Variants in RAB11FIP2 observed in about 807,000 individuals in gnomAD.
RAB11FIP2 encodes RAB11 family interacting protein 2.
A neutral mutation model predicts 40.9 loss-of-function variants in RAB11FIP2; 16 were observed. The observed-to-expected ratio is 0.39, with a 90% CI of 0.26 to 0.59. The LOEUF is 0.59. Among genes scored for constraint, RAB11FIP2 ranks in the 20% least tolerant of loss-of-function variants. RAB11FIP2 has a pLI of 0.53. For synonymous variants in RAB11FIP2, 228 were observed against 213.7 expected, an observed-to-expected ratio of 1.07 and a Z score of -0.58; for missense variants, 532 against 606.2, an observed-to-expected ratio of 0.88 and a Z score of 1.28.
At chr10:118,022,017 A>C (rs1326456900) in intron 3 of RAB11FIP2, among the ~76,000 whole-genome samples, 1 of 152,212 alleles carries the variant, frequency 6.6e-6, no homozygotes, top group African/African-American at 2.4e-5. Flanking sequence ...AAAATCTTAG[A>C]TCGAATATCC....
In RAB11FIP2 at chr10:118,007,689, G is replaced by T. The variant is rs1344922016; in HGVS notation, c.*1309C>A. 2.0e-5 allele frequency: 3 copies of T among 151,954 alleles called. No homozygotes were observed. The highest frequency in any genetic ancestry group is 7.3e-5 in the African/African-American group (3 of 41,376). The allele number at this position is 151,954 out of a possible 1,614,324, so 9.4% of individuals were successfully genotyped here. A position where few individuals can be genotyped will look rare whatever the true frequency, so the allele number is the denominator to read the frequency against. ...AGATTAGCAATATTTTTATAACATT[G>T]CTTGTCAATTTAAATTTCAGAAAAA... On this transcript the variant is annotated 3_prime_UTR_variant, in exon 5 of 5. Transcript: ENST00000355624.
At chr10:118,030,044 G>T (rs935109324) in intron 3 of RAB11FIP2, among the ~76,000 whole-genome samples, 5 of 152,092 alleles carry the variant, frequency 3.3e-5, no homozygotes, top group Non-Finnish European at 5.9e-5. Flanking sequence ...TTTGCAATAG[G>T]CAATTTTAGC....
chr10:118,029,108 T>C (rs376453926), intron 3 of RAB11FIP2, among the ~76,000 whole-genome samples: 3 of 152,054 alleles, frequency 2.0e-5, no homozygotes, highest in Non-Finnish European at 4.4e-5. Flanking sequence ...CCTGACATTG[T>C]TGTACTAAAT....
chr10:118,043,229 G>A (rs1447858566), intron 1 of RAB11FIP2, among the ~76,000 whole-genome samples: 2 of 151,934 alleles, frequency 1.3e-5, no homozygotes, highest in South Asian at 2.1e-4. Flanking sequence ...CAGGTGCACC[G>A]CTGAGACACA....
At chr10:118,027,036 C>G (rs1846351408) in intron 3 of RAB11FIP2, among the ~76,000 whole-genome samples, 1 of 151,936 alleles carries the variant, frequency 6.6e-6, no homozygotes, top group African/African-American at 2.4e-5. Flanking sequence ...GAAAAAAATT[C>G]CACCTAATTT....
intron 3 of RAB11FIP2, among the ~76,000 whole-genome samples, chr10:118,031,517 T>C (rs3824820): frequency 0.84 from 127,872 of 151,910 alleles, 55,468 homozygotes; most frequent in Non-Finnish European, 0.96. Context: ...GAAGGTATGA[T>C]ACAAGCACAG....
In RAB11FIP2 at chr10:118,006,004, T is replaced by A. The variant is rs1293773947; in HGVS notation, c.*2994A>T. 3 of 152,616 alleles carry A rather than the reference T, an allele frequency of 2.0e-5. No individual in the cohort carries two copies. Among genetic ancestry groups the A allele is most frequent in the Non-Finnish European group, 2.9e-5 (2 of 68,034 alleles). The allele number at this position is 152,616 out of a possible 1,614,324, so 9.5% of individuals were successfully genotyped here. On this transcript the variant is annotated 3_prime_UTR_variant, in exon 5 of 5. Transcript: ENST00000355624. ...AAGCAATAGATGTAGTTATGTATAA[T>A]CTATAGATAATACTACATTCAGGGG...
At chr10:118,013,888 C>T (rs1482339432) in intron 4 of RAB11FIP2, among the ~76,000 whole-genome samples, 1 of 152,124 alleles carries the variant, frequency 6.6e-6, no homozygotes, top group Non-Finnish European at 1.5e-5. Context: ...AATAGCTACA[C>T]ATTAAATCGA....
intron 3 of RAB11FIP2, among the ~76,000 whole-genome samples, chr10:118,036,316 G>A (rs533415601): frequency 1.6e-4 from 25 of 152,058 alleles, no homozygotes; most frequent in African/African-American, 5.8e-4. Context: ...CTGTAAATAG[G>A]TCTATTTAGC....
At position 118,009,061 on chromosome 10, in the gene RAB11FIP2, C is replaced by A. The variant is rs150361845; in HGVS notation, c.1476G>T (p.Thr492=). 357 of 1,613,510 alleles carry A rather than the reference C, an allele frequency of 2.2e-4. 2 individuals are homozygous for A. The highest frequency in any genetic ancestry group is 1.7e-3 in the African/African-American group (125 of 74,986). ...CATACGGCACTCTGAGAATACTGGGCGTTTCTTCCATTACCCTTACAAGGA... is the reference window on the plus strand; with the variant it reads ...CATACGGCACTCTGAGAATACTGGGAGTTTCTTCCATTACCCTTACAAGGA... The part of the protein sequence containing the change: ...DNLLVRVMEE[T]PSILRVPYEP... The change falls in exon 5 of 5, where the codon ACG becomes ACT. Residue 492 remains threonine, a synonymous_variant. Coordinates refer to ENST00000355624, the MANE Select transcript of RAB11FIP2 (RefSeq NM_014904.3).
rs1846546747 is a variant in RAB11FIP2 at position 118,040,627 on chromosome 10, T to C, written c.354-62A>G. The C allele has an allele frequency of 6.5e-6, 8 of 1,226,558 alleles. No homozygotes were observed. The South Asian group carries it at 1.2e-4, about 19-fold the overall frequency. The allele number at this position is 1,226,558 out of a possible 1,614,324, so 76.0% of individuals were successfully genotyped here. On this transcript the variant is annotated intron_variant, in intron 1 of 4. Coordinates refer to ENST00000355624, the MANE Select transcript of RAB11FIP2 (RefSeq NM_014904.3). ...AATAGAGAGAGGATACTGAGTTCTGTTACATACAAATAGCCTTTTAGGTAA... is the reference window on the plus strand; with the variant it reads ...AATAGAGAGAGGATACTGAGTTCTGCTACATACAAATAGCCTTTTAGGTAA...
intron 3 of RAB11FIP2, among the ~76,000 whole-genome samples, chr10:118,026,706 A>C (rs1274634982): frequency 6.6e-6 from 1 of 152,228 alleles, no homozygotes; most frequent in African/African-American, 2.4e-5. Flanking sequence ...CACAGCTTAG[A>C]TATCTATCCT....
In RAB11FIP2 at chr10:118,014,902, T is replaced by C. The variant is rs541863918; in HGVS notation, c.1311+163A>G. Among the ~76,000 whole-genome samples the C allele has an allele frequency of 5.3e-5, 8 of 152,304 alleles. No homozygotes were observed. The South Asian group carries it at 6.2e-4, about 12-fold the overall frequency. On this transcript the variant is annotated intron_variant, in intron 4 of 4. Coordinates refer to ENST00000355624, the MANE Select transcript of RAB11FIP2 (RefSeq NM_014904.3). ...CCCTATTGTATATTAAAGGCAAAGA[T>C]TGTATTTTACTTTCTTTCTTTCTCC...
At chr10:118,031,535 T>A (rs1054245264) in intron 3 of RAB11FIP2, among the ~76,000 whole-genome samples, 1 of 151,902 alleles carries the variant, frequency 6.6e-6, no homozygotes, top group East Asian at 1.9e-4. Context: ...CAGACAGGAA[T>A]TGACTCATTA....
chr10:118,043,495 C>A (rs983183937), intron 1 of RAB11FIP2: 1 of 152,194 alleles, frequency 6.6e-6, no homozygotes, highest in Non-Finnish European at 1.5e-5. Context: ...TTCCCAGGCC[C>A]ACTCAAAGGG....
At chr10:118,028,536 C>A (rs1290950876) in intron 3 of RAB11FIP2, among the ~76,000 whole-genome samples, 1 of 151,964 alleles carries the variant, frequency 6.6e-6, no homozygotes, top group Non-Finnish European at 1.5e-5. Flanking sequence ...AACTGTACCA[C>A]CATAAATTAA....
intron 3 of RAB11FIP2, chr10:118,033,892 G>T: frequency 1.4e-6 from 1 of 695,078 alleles, no homozygotes; most frequent in South Asian, 1.5e-5. Flanking sequence ...TATATCCTGT[G>T]AATTTATCAT....
rs1359581325 is a variant in RAB11FIP2 at position 118,008,850 on chromosome 10, A to G, written c.*148T>C. Reference sequence around the variant, plus strand: ...AGGTCACTCTTGATAGTCCCTGCTAATATTTACAGGTAAAACTACTCTTCA... The same window carrying G: ...AGGTCACTCTTGATAGTCCCTGCTAGTATTTACAGGTAAAACTACTCTTCA... On this transcript the variant is annotated 3_prime_UTR_variant, in exon 5 of 5. Coordinates refer to ENST00000355624, the MANE Select transcript of RAB11FIP2 (RefSeq NM_014904.3). 1 of 659,802 alleles carries G rather than the reference A, an allele frequency of 1.5e-6. No homozygotes were observed. Among genetic ancestry groups the G allele is most frequent in the Non-Finnish European group, 2.6e-6 (1 of 385,724 alleles). The allele number at this position is 659,802 out of a possible 1,614,324, so 40.9% of individuals were successfully genotyped here.
At chr10:118,038,427 T>C (rs1163105464) in intron 3 of RAB11FIP2, among the ~76,000 whole-genome samples, 1 of 152,100 alleles carries the variant, frequency 6.6e-6, no homozygotes, top group African/African-American at 2.4e-5. Flanking sequence ...CCCTTGGGTA[T>C]ACCTACAGAA....
Sources: gnomAD v4.1 joint callset for allele counts (sites outside exome capture counted in the v4.1 genomes callset) on GRCh38, gnomAD v4.1.1 for gene constraint, MANE v1.5 for transcripts, NCBI Gene and HGNC (gene_info 2026-07-23, HGNC 2026-07-21) for gene names.